KCNIP1: variants seen among roughly 807,000 people sequenced by gnomAD.
KCNIP1 encodes the protein potassium voltage-gated channel interacting protein 1.
A neutral mutation model predicts 33.0 loss-of-function variants in KCNIP1; 18 were observed. The observed-to-expected ratio is 0.55, with a 90% CI of 0.38 to 0.81. The LOEUF is 0.81. Ranked by LOEUF, KCNIP1 falls within the 30% of genes least tolerant of loss-of-function variation. KCNIP1 has a pLI of 0.00. For synonymous variants in KCNIP1, 93 were observed against 98.3 expected (o/e 0.95, Z 0.32); for missense variants, 238 against 271.6 (o/e 0.88, Z 0.87).
intron 1 of KCNIP1, among the ~76,000 whole-genome samples, chr5:170,435,022 G>C (rs1183975714): frequency 6.6e-6 from 1 of 152,214 alleles, no homozygotes; most frequent in African/African-American, 2.4e-5. Context: ...CCAGCCCACG[G>C]CCTTGGACGC....
intron 1 of KCNIP1, among the ~76,000 whole-genome samples, chr5:170,631,802 C>G (rs1204989068): frequency 2.0e-5 from 3 of 152,206 alleles, no homozygotes; most frequent in African/African-American, 7.2e-5. Flanking sequence ...GTGCTGCCCC[C>G]ACTAGAGACC....
intron 1 of KCNIP1, among the ~76,000 whole-genome samples, chr5:170,479,706 T>A (rs1345668314): frequency 6.6e-6 from 1 of 152,256 alleles, no homozygotes; most frequent in Non-Finnish European, 1.5e-5. Context: ...TCTGGAATCT[T>A]GGCTGTGATG....
chr5:170,659,321 G>A (rs1761388247), intron 1 of KCNIP1, among the ~76,000 whole-genome samples: 1 of 152,136 alleles, frequency 6.6e-6, no homozygotes, highest in Admixed American at 6.5e-5. Context: ...AAGAAACAGA[G>A]GGACACCCAA....
chr5:170,592,407 A>T (rs2202438), intron 1 of KCNIP1, among the ~76,000 whole-genome samples: 57,471 of 152,092 alleles, frequency 0.38, 11,114 homozygotes, highest in East Asian at 0.52. Flanking sequence ...AGACTAGGTT[A>T]ATTATCCAAG....
At chr5:170,730,676 C>T (rs1269105316) in intron 5 of KCNIP1, among the ~76,000 whole-genome samples, 1 of 152,178 alleles carries the variant, frequency 6.6e-6, no homozygotes. Flanking sequence ...GCAATGACAT[C>T]CCTGTAGCAG....
intron 1 of KCNIP1, among the ~76,000 whole-genome samples, chr5:170,704,524 A>G (rs1763193179): frequency 6.6e-6 from 1 of 152,148 alleles, no homozygotes; most frequent in South Asian, 2.1e-4. Context: ...AGAATTGGGG[A>G]ATCGTCTGGA....
intron 1 of KCNIP1, among the ~76,000 whole-genome samples, chr5:170,390,517 AATATATAT>A (rs1554088940): frequency 1.3e-5 from 1 of 74,544 alleles, no homozygotes. Flanking sequence ...AAAAAAAACA[AATATATAT>A]ATATATATAT....
chr5:170,360,133 G>A (rs927537810), intron 1 of KCNIP1, among the ~76,000 whole-genome samples: 1 of 152,178 alleles, frequency 6.6e-6, no homozygotes, highest in Non-Finnish European at 1.5e-5. Flanking sequence ...GGCCTCCTTT[G>A]CCATGCCACA....
chr5:170,502,886 T>C (rs1311534975), upstream of KCNIP1, among the ~76,000 whole-genome samples: 2 of 152,082 alleles, frequency 1.3e-5, no homozygotes, highest in African/African-American at 2.4e-5. Flanking sequence ...GAGCAAACCT[T>C]GCAATTCAAC....
At chr5:170,583,897 G>A (rs1173149954) in intron 1 of KCNIP1, among the ~76,000 whole-genome samples, 1 of 152,170 alleles carries the variant, frequency 6.6e-6, no homozygotes. Context: ...TGGGGTTCAT[G>A]TGATACTTTG....
At chr5:170,433,705 G>A (rs964981645) in intron 1 of KCNIP1, among the ~76,000 whole-genome samples, 1 of 152,210 alleles carries the variant, frequency 6.6e-6, no homozygotes, top group Admixed American at 6.5e-5. Context: ...CAATGTCAAA[G>A]GAATAAAGGA....
intron 1 of KCNIP1, among the ~76,000 whole-genome samples, chr5:170,518,203 G>C (rs1233015902): frequency 6.6e-6 from 1 of 152,094 alleles, no homozygotes; most frequent in Non-Finnish European, 1.5e-5. Context: ...GTTGTTGGAA[G>C]GATGATAGTG....
chr5:170,515,216 T>A (rs1755077923), intron 1 of KCNIP1, among the ~76,000 whole-genome samples: 1 of 152,152 alleles, frequency 6.6e-6, no homozygotes, highest in South Asian at 2.1e-4. Context: ...TCAGGGTGCA[T>A]TATAAGAGGA....
At chr5:170,387,409 C>T (rs1462984276) in intron 1 of KCNIP1, among the ~76,000 whole-genome samples, 1 of 152,178 alleles carries the variant, frequency 6.6e-6, no homozygotes, top group Non-Finnish European at 1.5e-5. Flanking sequence ...TTGACTCCCT[C>T]CCCTTAGCCA....
intron 1 of KCNIP1, among the ~76,000 whole-genome samples, chr5:170,359,903 C>T (rs981504412): frequency 1.6e-4 from 25 of 152,364 alleles, no homozygotes; most frequent in African/African-American, 6.0e-4. Context: ...TCCTAGATAA[C>T]CCTGTTACCA....
chr5:170,527,340 T>C (rs1479932986), intron 1 of KCNIP1, among the ~76,000 whole-genome samples: 1 of 152,190 alleles, frequency 6.6e-6, no homozygotes, highest in African/African-American at 2.4e-5. Context: ...TTTGCAGAGC[T>C]GAATTAAACT....
At chr5:170,447,966 A>G (rs1581201750) in intron 1 of KCNIP1, among the ~76,000 whole-genome samples, 2 of 151,896 alleles carry the variant, frequency 1.3e-5, no homozygotes, top group Non-Finnish European at 2.9e-5. Flanking sequence ...TCCAAGGGTC[A>G]GGCTTGAAGA....
chr5:170,471,334 C>T (rs761522525), intron 1 of KCNIP1, among the ~76,000 whole-genome samples: 1 of 152,202 alleles, frequency 6.6e-6, no homozygotes, highest in Non-Finnish European at 1.5e-5. Flanking sequence ...CTCTAAACAA[C>T]ACCCTCCCCA....
intron 1 of KCNIP1, among the ~76,000 whole-genome samples, chr5:170,440,441 G>A (rs1176676861): frequency 6.6e-6 from 1 of 152,194 alleles, no homozygotes; most frequent in Non-Finnish European, 1.5e-5. Flanking sequence ...GCTGAGGAAG[G>A]GGGCCTCCCC....
Sources: allele counts gnomAD v4.1 joint callset (sites outside exome capture counted in the v4.1 genomes callset), GRCh38; gene constraint gnomAD v4.1.1; transcripts MANE v1.5; gene names NCBI Gene and HGNC (gene_info 2026-07-23, HGNC 2026-07-21).